The following RAPGEF4 variants were observed in gnomAD, a reference collection of about 807,000 sequenced individuals.
The protein encoded by RAPGEF4 is RAP guanine-nucleotide-exchange factor (GEF) 4.
RAPGEF4 carries 66 observed loss-of-function variants against 147.9 expected under a neutral mutation model. The observed-to-expected ratio is 0.45, with a 90% CI of 0.37 to 0.55. RAPGEF4 has a LOEUF of 0.55. Ranked by LOEUF, RAPGEF4 falls within the 20% of genes least tolerant of loss-of-function variation. The probability of loss-of-function intolerance (pLI) is 0.00; values close to 1 mark genes in which losing one functional copy is unlikely to be tolerated. For synonymous variants in RAPGEF4, 419 were observed against 442.7 expected (o/e 0.95, Z 0.67); for missense variants, 1,071 against 1,257.3 (o/e 0.85, Z 2.24).
chr2:173,030,163 G>C lies in RAPGEF4; in HGVS notation c.2559-1G>C. On this transcript the variant is annotated splice_acceptor_variant, in intron 25 of 30. Coordinates refer to ENST00000397081, the MANE Select transcript of RAPGEF4 (RefSeq NM_007023.4). LOFTEE classifies it high-confidence loss of function. ...TCAAACACGCATCTCCTGTGTTTCA[G>C]CTGTAAGGAGTATAAAAATCTGAAT... 3 of 1,604,798 alleles carry C rather than the reference G, an allele frequency of 1.9e-6. No homozygotes were observed. The highest frequency in any genetic ancestry group is 2.6e-6 in the Non-Finnish European group (3 of 1,171,548).
rs535592167 is a variant in RAPGEF4, at chr2:173,050,415, C to G, written c.2909-1225C>G. On this transcript the variant is annotated intron_variant, in intron 30 of 30. Transcript: ENST00000397081. The stretch of plus-strand genomic sequence containing the variant: ...GGGGGCAGGGGCATGTATGTCTTCT[C>G]TCTGCTTTTCTGCCTTCAGACCTGC... 1.5e-4 allele frequency among the ~76,000 whole-genome samples: 23 copies of G among 152,324 alleles called. No homozygotes were observed. In the East Asian group the frequency reaches 4.4e-3, roughly 29 times the overall value.
chr2:172,917,697 C>T, intron 4 of RAPGEF4, 105 bp from the exon 5 acceptor site: 1 of 944,732 alleles, frequency 1.1e-6, no homozygotes, highest in Non-Finnish European at 1.7e-6. Flanking sequence ...ATACAAGGCT[C>T]AGATGCTTCC....
At chr2:173,006,882 G>A (rs1694530826) in intron 17 of RAPGEF4, among the ~76,000 whole-genome samples, 1 of 152,146 alleles carries the variant, frequency 6.6e-6, no homozygotes, top group Non-Finnish European at 1.5e-5. Context: ...TCTGAAAAGT[G>A]TTTGATCCAT....
At chr2:172,814,116 C>T (rs534762140) in intron 3 of RAPGEF4, among the ~76,000 whole-genome samples, 163 bp from the exon 4 acceptor site, 1 of 152,250 alleles carries the variant, frequency 6.6e-6, no homozygotes, top group East Asian at 1.9e-4. Flanking sequence ...CTGTCTTGAT[C>T]TGGTTGGTAA....
chr2:172,852,541 C>T (rs918732359), intron 4 of RAPGEF4, among the ~76,000 whole-genome samples: 1 of 152,078 alleles, frequency 6.6e-6, no homozygotes, highest in Non-Finnish European at 1.5e-5. Flanking sequence ...GTTTCAACTT[C>T]CTTGTGATTC....
At chr2:172,910,460 A>G (rs1036774836) in intron 4 of RAPGEF4, among the ~76,000 whole-genome samples, 5 of 152,156 alleles carry the variant, frequency 3.3e-5, no homozygotes, top group East Asian at 3.9e-4. Context: ...CCTTTTATCT[A>G]TTGTCTAACC....
At chr2:173,019,413 C>CG (rs1320212272) in intron 22 of RAPGEF4, among the ~76,000 whole-genome samples, 1 of 152,216 alleles carries the variant, frequency 6.6e-6, no homozygotes, top group Non-Finnish European at 1.5e-5. Flanking sequence ...ACACAGCTCA[C>CG]GTCCCCAGGT....
intron 1 of RAPGEF4, among the ~76,000 whole-genome samples, chr2:172,741,237 G>A (rs1168322649): frequency 6.6e-6 from 1 of 152,214 alleles, no homozygotes; most frequent in Non-Finnish European, 1.5e-5. Flanking sequence ...GCACAAGTCC[G>A]ATTCCATTGT....
At chr2:173,001,624 C>T (rs538469233) in intron 17 of RAPGEF4, among the ~76,000 whole-genome samples, 2 of 152,190 alleles carry the variant, frequency 1.3e-5, no homozygotes, top group South Asian at 4.1e-4. Context: ...ATACCCGAGG[C>T]TGGGTAATTT....
At chr2:172,935,323 A>G (rs908750179) in intron 6 of RAPGEF4, among the ~76,000 whole-genome samples, 1 of 152,116 alleles carries the variant, frequency 6.6e-6, no homozygotes, top group African/African-American at 2.4e-5. Context: ...CAGCAGCCAC[A>G]ATGAGGGAGC....
chr2:172,904,385 A>G (rs1699397938), intron 4 of RAPGEF4, among the ~76,000 whole-genome samples: 1 of 152,204 alleles, frequency 6.6e-6, no homozygotes, highest in African/African-American at 2.4e-5. Flanking sequence ...AGAGGTAAGG[A>G]TTTACTATGC....
chr2:172,882,382 T>G (rs1696727820), intron 4 of RAPGEF4, among the ~76,000 whole-genome samples: 1 of 152,306 alleles, frequency 6.6e-6, no homozygotes, highest in Non-Finnish European at 1.5e-5. Context: ...CATTACACAC[T>G]TAATGGGCCT....
chr2:172,973,122 T>C (rs1690682085), intron 10 of RAPGEF4, among the ~76,000 whole-genome samples: 6 of 122,010 alleles, frequency 4.9e-5, no homozygotes, highest in African/African-American at 1.2e-4. Flanking sequence ...TTTTTTTTTT[T>C]CTTTTTTTGA....
chr2:173,019,446 TAGACGG>T (rs1199065279), intron 22 of RAPGEF4, among the ~76,000 whole-genome samples: 1 of 152,052 alleles, frequency 6.6e-6, no homozygotes, highest in Non-Finnish European at 1.5e-5. Flanking sequence ...AGGGAGGAGG[TAGACGG>T]TAAGTTAAAA....
At chr2:172,735,414 G>A (rs1166345142), upstream of RAPGEF4, 1 of 152,314 alleles carries the variant, frequency 6.6e-6, no homozygotes, top group Non-Finnish European at 1.5e-5. Context: ...AGGTGAGCAA[G>A]CAACCGCCGG....
At chr2:172,832,756 T>C (rs1368487252) in intron 4 of RAPGEF4, among the ~76,000 whole-genome samples, 1 of 152,236 alleles carries the variant, frequency 6.6e-6, no homozygotes, top group East Asian at 1.9e-4. Flanking sequence ...CTGACTATCT[T>C]CAGCTTACTC....
chr2:172,743,434 T>C (rs981631438), intron 1 of RAPGEF4, among the ~76,000 whole-genome samples: 8 of 152,240 alleles, frequency 5.3e-5, no homozygotes, highest in African/African-American at 1.9e-4. Context: ...ATGCCAGCTC[T>C]TTCTTGGCGC....
chr2:172,988,304 T>C, intron 13 of RAPGEF4, 32 bp downstream of exon 13: 1 of 1,589,368 alleles, frequency 6.3e-7, no homozygotes, highest in Non-Finnish European at 8.5e-7. Context: ...TGAAACTTTA[T>C]TACGCTCCAC....
At chr2:172,773,223 T>A (rs1032970584) in intron 1 of RAPGEF4, among the ~76,000 whole-genome samples, 10 of 152,188 alleles carry the variant, frequency 6.6e-5, no homozygotes, top group African/African-American at 1.9e-4. Context: ...TGTAAACAAA[T>A]AATCATGCCA....
Sources: gnomAD v4.1 joint callset for allele counts (sites outside exome capture counted in the v4.1 genomes callset) on GRCh38, gnomAD v4.1.1 for gene constraint, MANE v1.5 for transcripts, NCBI Gene and HGNC (gene_info 2026-07-23, HGNC 2026-07-21) for gene names.